Variants in MSR1 observed in about 807,000 individuals in gnomAD.
The protein encoded by MSR1 is macrophage scavenger receptor 1.
In MSR1, 53 loss-of-function variants were observed where a neutral mutation model predicts 47.2. That is an observed-to-expected ratio of 1.12 (90% CI 0.90 to 1.41). The LOEUF is 1.41. Ranked by LOEUF, MSR1 falls within the 40% of genes most tolerant of loss-of-function variation. The probability of loss-of-function intolerance (pLI) is 0.00; values close to 1 mark genes in which losing one functional copy is unlikely to be tolerated. For synonymous variants in MSR1, 239 were observed against 185.6 expected (o/e 1.29, Z -2.34); for missense variants, 786 against 546.9 (o/e 1.44, Z -4.36).
At chr8:16,170,629 G>A (rs1358745943) in intron 3 of MSR1, among the ~76,000 whole-genome samples, 1 of 152,084 alleles carries the variant, frequency 6.6e-6, no homozygotes, top group Non-Finnish European at 1.5e-5. Flanking sequence ...TAATAAAAGT[G>A]ATATGGTGAT....
chr8:16,114,136 T>A lies in MSR1; in HGVS notation c.1223-3918A>T, dbSNP rs535621335. The stretch of plus-strand genomic sequence containing the variant: ...TTTGACTTGTGACCCTTTGATATAT[T>A]TATTTATCTTTGAGATTATATTTAC... On this transcript the variant is annotated intron_variant, in intron 9 of 9. Transcript: ENST00000262101. Among the ~76,000 whole-genome samples, 9 of 152,222 alleles carry A rather than the reference T, an allele frequency of 5.9e-5. No homozygotes were observed. The East Asian group carries it at 1.7e-3, about 29-fold the overall frequency.
At chr8:16,181,454 G>T (rs917634656) in intron 1 of MSR1, among the ~76,000 whole-genome samples, 20 of 152,082 alleles carry the variant, frequency 1.3e-4, no homozygotes, top group Admixed American at 1.2e-3. Flanking sequence ...ATACACCATG[G>T]AATACTATGC....
chr8:16,121,111 C>T (rs1242836253), intron 8 of MSR1: 2 of 403,418 alleles, frequency 5.0e-6, no homozygotes, highest in East Asian at 1.6e-4. Context: ...CCAAGGGAAA[C>T]AAGGGAACTA....
intron 8 of MSR1, among the ~76,000 whole-genome samples, chr8:16,136,473 A>C (rs1800392466): frequency 6.6e-6 from 1 of 151,990 alleles, no homozygotes. Flanking sequence ...AAACCAAAAA[A>C]TTTGTCTGGC....
At chr8:16,166,324 AT>A (rs5889635) in intron 4 of MSR1, among the ~76,000 whole-genome samples, 166 of 145,380 alleles carry the variant, frequency 1.1e-3, no homozygotes, top group South Asian at 4.2e-3. Flanking sequence ...CACCTGACTA[AT>A]TTTTTTTTTT....
intron 7 of MSR1, among the ~76,000 whole-genome samples, chr8:16,145,065 G>A (rs1443180247): frequency 2.6e-5 from 4 of 151,994 alleles, no homozygotes; most frequent in Non-Finnish European, 5.9e-5. Context: ...GGCACTTAAA[G>A]AGTAAACATT....
intron 8 of MSR1, among the ~76,000 whole-genome samples, chr8:16,143,133 C>T (rs367941338): frequency 1.6e-4 from 25 of 152,112 alleles, no homozygotes; most frequent in African/African-American, 5.8e-4. Context: ...GAAAAATAAA[C>T]GAAGAGCCCC....
chr8:16,131,183 C>A (rs1554464293), intron 8 of MSR1, among the ~76,000 whole-genome samples: 1 of 152,142 alleles, frequency 6.6e-6, no homozygotes, highest in Admixed American at 6.6e-5. Context: ...GCCATTCTGA[C>A]AGGTGTGAGG....
At chr8:16,143,656 A>C (rs1394579228) in intron 7 of MSR1, 45 bp from the exon 8 acceptor site, 1 of 1,483,082 alleles carries the variant, frequency 6.7e-7, no homozygotes, top group East Asian at 2.3e-5. Flanking sequence ...AGGGCAATTC[A>C]CAATGTTTGC....
At chr8:16,142,691 C>T (rs351559) in intron 8 of MSR1, among the ~76,000 whole-genome samples, 20,260 of 152,040 alleles carry the variant, frequency 0.13, 2,248 homozygotes, top group East Asian at 0.44. Context: ...TAAAAACTGC[C>T]AGATTTTGGT....
In MSR1 at chr8:16,175,105, A is replaced by G; in HGVS notation, c.217+82T>C. The stretch of plus-strand genomic sequence containing the variant: ...TCTTTATGAATGTACCATATACAAA[A>G]GACTGAATGCTTCTTTTTTGCTTTG... On this transcript the variant is annotated intron_variant, in intron 3 of 9. Transcript: ENST00000262101. 7 of 1,115,314 alleles carry G rather than the reference A, an allele frequency of 6.3e-6. No homozygotes were observed. The Admixed American group carries it at 7.1e-5, about 11-fold the overall frequency. 69.1% of individuals were successfully genotyped at this position (1,115,314 alleles called of 1,614,324 possible).
intron 8 of MSR1, among the ~76,000 whole-genome samples, chr8:16,123,598 G>T (rs899921271): frequency 8.0e-5 from 12 of 150,530 alleles, no homozygotes; most frequent in African/African-American, 2.9e-4. Flanking sequence ...GTGTGTGTGT[G>T]TGTGTGTCTG....
In MSR1 at chr8:16,187,262, C is replaced by G. The variant is rs570280758; in HGVS notation, c.-5+5336G>C. On this transcript the variant is annotated intron_variant, in intron 1 of 9. Coordinates refer to ENST00000262101, the MANE Select transcript of MSR1 (RefSeq NM_138715.3). ...CCTCTAATCCCAGCTACTCAGAAGG[C>G]TGAGACAGGAGAATTGCTTGAACCT... Among the ~76,000 whole-genome samples, 30 of 144,970 alleles carry G rather than the reference C, an allele frequency of 2.1e-4. No individual in the cohort carries two copies. The East Asian group carries it at 6.3e-3, about 30-fold the overall frequency.
chr8:16,138,090 G>C (rs1042736339), intron 8 of MSR1, among the ~76,000 whole-genome samples: 2 of 151,576 alleles, frequency 1.3e-5, no homozygotes, highest in African/African-American at 4.8e-5. Context: ...ATTTAAGATT[G>C]AGCTGAGTCC....
chr8:16,182,342 T>G (rs1198750878), intron 1 of MSR1, among the ~76,000 whole-genome samples: 1 of 152,174 alleles, frequency 6.6e-6, no homozygotes, highest in Non-Finnish European at 1.5e-5. Flanking sequence ...CACTGTAGAC[T>G]TTATAAACAT....
At chr8:16,156,940 C>G (rs1038337111) in intron 5 of MSR1, among the ~76,000 whole-genome samples, 4 of 151,858 alleles carry the variant, frequency 2.6e-5, no homozygotes, top group African/African-American at 9.7e-5. Flanking sequence ...TAACCATGAA[C>G]GCAGCTGCAT....
intron 8 of MSR1, among the ~76,000 whole-genome samples, chr8:16,133,007 T>A (rs1377364291): frequency 6.6e-6 from 1 of 152,208 alleles, no homozygotes; most frequent in Non-Finnish European, 1.5e-5. Flanking sequence ...CAGAAGCGTT[T>A]GCTGTATCTA....
chr8:16,114,534 G>A (rs893981712), intron 9 of MSR1, among the ~76,000 whole-genome samples: 1 of 151,964 alleles, frequency 6.6e-6, no homozygotes, highest in Admixed American at 6.6e-5. Flanking sequence ...GAGACCACAG[G>A]CACAATAGCT....
intron 8 of MSR1, among the ~76,000 whole-genome samples, chr8:16,137,440 C>A (rs1002007173): frequency 2.0e-5 from 3 of 150,064 alleles, no homozygotes; most frequent in Non-Finnish European, 4.5e-5. Flanking sequence ...CTTTCTCTCT[C>A]TCTATCTATC....
Sources: allele counts gnomAD v4.1 joint callset (sites outside exome capture counted in the v4.1 genomes callset), GRCh38; gene constraint gnomAD v4.1.1; transcripts MANE v1.5; gene names NCBI Gene and HGNC (gene_info 2026-07-23, HGNC 2026-07-21).